The following PRAG1 variants were observed in gnomAD, a reference collection of about 807,000 sequenced individuals.
PRAG1 encodes inactive tyrosine-protein kinase PRAG1.
In PRAG1, 110 loss-of-function variants were observed where a neutral mutation model predicts 95.6. The observed-to-expected ratio is 1.15, with a 90% confidence interval of 0.99 to 1.35. PRAG1 has a LOEUF of 1.35. Among genes scored for constraint, PRAG1 ranks in the 40% most tolerant of loss-of-function variants. PRAG1 has a pLI of 0.00. For synonymous variants in PRAG1, 1,052 were observed against 819.4 expected (o/e 1.28, Z -4.85); for missense variants, 2,554 against 1,864.7 (o/e 1.37, Z -6.81).
chr8:8,332,895 C>G (rs543036809), intron 4 of PRAG1, among the ~76,000 whole-genome samples: 11 of 150,718 alleles, frequency 7.3e-5, no homozygotes, highest in Non-Finnish European at 1.2e-4. Context: ...TATGTTCTTA[C>G]TGTTTGCAAC....
At chr8:8,374,843 A>G in intron 3 of PRAG1, 1 of 234,178 alleles carries the variant, frequency 4.3e-6, no homozygotes, top group South Asian at 1.6e-4. Context: ...TTCAAAGTCA[A>G]GCGTCCTGAC....
chr8:8,375,992 G>A (rs1211066378), intron 3 of PRAG1, among the ~76,000 whole-genome samples: 4 of 152,168 alleles, frequency 2.6e-5, no homozygotes, highest in Non-Finnish European at 5.9e-5. Context: ...AATGGCAACA[G>A]CTTGGTGAAA....
At chr8:8,365,901 A>G (rs1018432822) in intron 3 of PRAG1, among the ~76,000 whole-genome samples, 1 of 151,940 alleles carries the variant, frequency 6.6e-6, no homozygotes, top group African/African-American at 2.4e-5. Context: ...AATCTCTTGA[A>G]CCCAAGAGGT....
intron 5 of PRAG1, among the ~76,000 whole-genome samples, chr8:8,320,395 C>T (rs185066151): frequency 9.8e-5 from 15 of 152,298 alleles, no homozygotes; most frequent in African/African-American, 3.6e-4. Flanking sequence ...CTGTCTTTCT[C>T]GCCTCCTCCA....
At chr8:8,337,502 G>A (rs1027540713) in intron 4 of PRAG1, among the ~76,000 whole-genome samples, 9 of 152,124 alleles carry the variant, frequency 5.9e-5, no homozygotes, top group African/African-American at 9.7e-5. Flanking sequence ...GAGAGAGAGA[G>A]AAAGAATGTC....
chr8:8,318,130 C>A lies in PRAG1; in HGVS notation c.*24G>T. ...AAAGGGTTAGGCAGGGAAGGGGCAG[C>A]GACGGTGCAGGCTGGGGCTTGGCTC... On this transcript the variant is annotated 3_prime_UTR_variant, in exon 6 of 6. Coordinates refer to ENST00000615670, the MANE Select transcript of PRAG1 (RefSeq NM_001080826.3). This position sits in a 1 kb window ranked among gnomAD's most constrained non-coding sequence, Gnocchi z 4.2. The A allele has an allele frequency of 1.3e-6, 2 of 1,588,608 alleles. No homozygotes were observed. The highest frequency in any genetic ancestry group is 1.7e-6 in the Non-Finnish European group (2 of 1,167,092).
At chr8:8,368,581 C>T (rs1800087365) in intron 3 of PRAG1, among the ~76,000 whole-genome samples, 1 of 152,090 alleles carries the variant, frequency 6.6e-6, no homozygotes, top group African/African-American at 2.4e-5. Context: ...CATTAACAAT[C>T]CCAAAACAAC....
In PRAG1 at chr8:8,376,789, C is replaced by G; in HGVS notation, c.1620G>C (p.Glu540Asp). 4 of 1,611,278 alleles carry G rather than the reference C, an allele frequency of 2.5e-6. No individual in the cohort carries two copies. The highest frequency in any genetic ancestry group is 3.4e-6 in the Non-Finnish European group (4 of 1,179,876). ...AHSASESKPK[E>D]RPAIPPKLSK... is the part of the protein sequence containing the mutation. ...ACAACTTGGGGGGAATGGCGGGCCTCTCCTTGGGCTTGCTCTCGCTGGCAC... is the reference window on the plus strand; with the variant it reads ...ACAACTTGGGGGGAATGGCGGGCCTGTCCTTGGGCTTGCTCTCGCTGGCAC... The change falls in exon 3 of 6, where the codon GAG becomes GAC. Residue 540 changes from glutamate (E) to aspartate (D), a missense_variant. Transcript: ENST00000615670.
Position 8,376,378 on chromosome 8 carries a change from T to C in PRAG1, c.2031A>G (p.Thr677=). The change falls in exon 3 of 6, where the codon ACA becomes ACG. Residue 677 remains threonine (T), a synonymous_variant. Transcript: ENST00000615670. ...TGCTGTTCTGCCCAGAGGAGCCATC[T>C]GTGGGGTGGAGACGGTGCCAGGTCG... ...NSTTWHRLHP[T]DGSSGQNSKV... 1 of 1,614,232 alleles carries C rather than the reference T, an allele frequency of 6.2e-7. No homozygotes were observed. The highest frequency in any genetic ancestry group is 1.3e-5 in the African/African-American group (1 of 75,074).
In PRAG1 at chr8:8,319,176, C is replaced by T. The variant is rs370938903; in HGVS notation, c.3199G>A (p.Asp1067Asn). ...GCAGGCACAGGGTCCTTGGGCGCGT[C>T]GGGGGAGCTGAGCATGCTGGACGGC... Reference protein sequence around the residue: ...SVPSSMLSSPDAPKDPVPALP... With the variant: ...SVPSSMLSSPNAPKDPVPALP... The change falls in exon 6 of 6, where the codon GAC becomes AAC. Residue 1067 changes from aspartate (D) to asparagine (N), a missense_variant. Asp to Asn is a conservative substitution (Grantham distance 23). Transcript: ENST00000615670. The T allele has an allele frequency of 7.5e-6, 12 of 1,602,456 alleles. No homozygotes were observed. Among genetic ancestry groups the T allele is most frequent in the African/African-American group, 1.3e-5 (1 of 74,672 alleles).
At chr8:8,380,030 T>C (rs1282271105) in intron 2 of PRAG1, among the ~76,000 whole-genome samples, 1 of 150,422 alleles carries the variant, frequency 6.6e-6, no homozygotes, top group African/African-American at 2.5e-5. Flanking sequence ...CACTTGAGCC[T>C]AGGAGTTTGA....
chr8:8,349,930 TACAC>T lies in PRAG1; in HGVS notation c.2163-10299_2163-10296del, dbSNP rs67536846. On this transcript the variant is annotated intron_variant, in intron 3 of 5. Transcript: ENST00000615670. ...ATAGTTACATTAAAAGATAGGAAAA[TACAC>T]ACACACACACACACACACACACACA... Among the ~76,000 whole-genome samples, 864 of 144,836 alleles carry T rather than the reference TACAC, an allele frequency of 6.0e-3. 7 individuals carry two copies. Among genetic ancestry groups the T allele is most frequent in the African/African-American group, 0.015 (571 of 38,952 alleles).
At chr8:8,380,353 C>T (rs931154366) in intron 2 of PRAG1, among the ~76,000 whole-genome samples, 14 of 152,076 alleles carry the variant, frequency 9.2e-5, no homozygotes, top group African/African-American at 2.7e-4. Context: ...AATCTCAGCA[C>T]TTTGGGAGGC....
At chr8:8,382,169 A>G (rs545864058) in intron 1 of PRAG1, among the ~76,000 whole-genome samples, 18 of 152,314 alleles carry the variant, frequency 1.2e-4, no homozygotes, top group Non-Finnish European at 2.4e-4. Context: ...GTAGGGTTTA[A>G]GATGAGAAGC....
intron 3 of PRAG1, among the ~76,000 whole-genome samples, chr8:8,367,191 C>G (rs1037710186): frequency 6.6e-6 from 1 of 152,014 alleles, no homozygotes; most frequent in Non-Finnish European, 1.5e-5. Flanking sequence ...GTCATAAAAT[C>G]TTACCATCCT....
At chr8:8,376,216 G>A (rs1585276180) in intron 3 of PRAG1, 31 bp downstream of exon 3, 2 of 1,596,302 alleles carry the variant, frequency 1.3e-6, no homozygotes, top group East Asian at 4.5e-5. Context: ...TTGCCCTGCA[G>A]ACAGAGTCCC....
At chr8:8,363,363 T>C (rs1799906234) in intron 3 of PRAG1, among the ~76,000 whole-genome samples, 3 of 152,176 alleles carry the variant, frequency 2.0e-5, no homozygotes, top group Admixed American at 2.0e-4. Context: ...GGTATATACA[T>C]GCAATGGACT....
rs1312331968 is a variant in PRAG1, at chr8:8,377,931, T to C, written c.478A>G (p.Thr160Ala). The C allele has an allele frequency of 3.1e-6, 5 of 1,613,946 alleles. No homozygotes were observed. The highest frequency in any genetic ancestry group is 4.2e-6 in the Non-Finnish European group (5 of 1,179,982). ...TCAAGGTTGTGCAGGCCGACCATGG[T>C]GTAAGCTGGGGGACAGCGAGAATTG... ...DGNSRCPPAYTMVGLHNLEPR... is the reference protein window; with the variant it reads ...DGNSRCPPAYAMVGLHNLEPR... The change falls in exon 3 of 6, where the codon ACC becomes GCC. Residue 160 changes from threonine (T) to alanine (A), a missense_variant. Transcript: ENST00000615670.
rs767662025 is a variant in PRAG1 at position 8,376,871 on chromosome 8, C to A, written c.1538G>T (p.Gly513Val). The A allele has an allele frequency of 1.2e-6, 2 of 1,613,226 alleles. No homozygotes were observed. The highest frequency in any genetic ancestry group is 1.7e-6 in the Non-Finnish European group (2 of 1,180,032). The change falls in exon 3 of 6, where the codon GGT becomes GTT. Residue 513 changes from glycine (G) to valine (V), a missense_variant. By Grantham distance (109) the Gly-to-Val change is moderately radical. Coordinates refer to ENST00000615670, the MANE Select transcript of PRAG1 (RefSeq NM_001080826.3). Reference protein sequence around the residue: ...RGPVSQNSEVGEEETSAGQGL... With the variant: ...RGPVSQNSEVVEEETSAGQGL... ...CTGCCCAGCCGAAGTCTCCTCTTCA[C>A]CTACCTCGGAGTTCTGGCTCACAGG...
Sources: allele counts gnomAD v4.1 joint callset (sites outside exome capture counted in the v4.1 genomes callset), GRCh38; gene constraint gnomAD v4.1.1; non-coding constraint Gnocchi (gnomAD v3.1); transcripts MANE v1.5; gene names NCBI Gene and HGNC (gene_info 2026-07-23, HGNC 2026-07-21).